MON2: variants seen among roughly 807,000 people sequenced by gnomAD.
MON2 encodes MON2 regulator of endosome-to-Golgi trafficking, also known as protein MON2 homolog.
In MON2, 84 loss-of-function variants were observed where a neutral mutation model predicts 208.6. The observed-to-expected ratio is 0.40, with a 90% confidence interval of 0.34 to 0.48. The LOEUF (loss-of-function observed/expected upper bound fraction) is 0.48, where lower values mean the gene tolerates loss of function less well. Ranked by LOEUF, MON2 falls within the 20% of genes least tolerant of loss-of-function variation. The probability of loss-of-function intolerance (pLI) is 0.59; values close to 1 mark genes in which losing one functional copy is unlikely to be tolerated. For missense variants in MON2, 1,611 were observed against 2,015.4 expected (o/e 0.80, Z 3.84); for synonymous variants, 660 against 694.0 (o/e 0.95, Z 0.77).
intron 4 of MON2, among the ~76,000 whole-genome samples, chr12:62,497,254 T>G (rs751712754): frequency 6.6e-6 from 1 of 151,494 alleles, no homozygotes; most frequent in Non-Finnish European, 1.5e-5. Flanking sequence ...GCATGGCACA[T>G]GTACACATAT....
At chr12:62,517,811 TTCTG>T (rs1383426162) in intron 8 of MON2, among the ~76,000 whole-genome samples, 5 of 152,254 alleles carry the variant, frequency 3.3e-5, no homozygotes, top group Non-Finnish European at 5.9e-5. Context: ...GATACTTGGT[TTCTG>T]TCTATCAATT....
rs1435303345 is a variant in MON2 at position 62,595,808 on chromosome 12, C to G, written c.*3059C>G. 6.6e-6 allele frequency: 1 copy of G among 152,208 alleles called. No homozygotes were observed. The highest frequency in any genetic ancestry group is 1.5e-5 in the Non-Finnish European group (1 of 68,022). 9.4% of individuals were successfully genotyped at this position (152,208 alleles called of 1,614,324 possible). A position where few individuals can be genotyped will look rare whatever the true frequency, so the allele number is the denominator to read the frequency against. On this transcript the variant is annotated 3_prime_UTR_variant, in exon 35 of 35. Transcript: ENST00000393630. ...CATAAAAAAGTCTAGCTTAGAACCA[C>G]TTTTCACTTGCTTTCATTTTTAATT...
intron 1 of MON2, among the ~76,000 whole-genome samples, chr12:62,468,943 C>T (rs986668749): frequency 5.3e-5 from 8 of 151,852 alleles, no homozygotes; most frequent in Non-Finnish European, 1.2e-4. Flanking sequence ...CCATTTATTA[C>T]ATTTTTTTGT....
intron 20 of MON2, 127 bp downstream of exon 20, chr12:62,543,325 CTTAT>C: frequency 2.2e-6 from 1 of 449,376 alleles, no homozygotes; most frequent in East Asian, 3.6e-5. Flanking sequence ...TGTGTACTTA[CTTAT>C]GTTTGTACAT....
At position 62,556,119 on chromosome 12, in the gene MON2, T is replaced by C. The variant is rs933377692; in HGVS notation, c.3336T>C (p.Ala1112=). Residue 1112 remains alanine (A), a synonymous_variant, in exon 25 of 35, where the codon GCT becomes GCC. Transcript: ENST00000393630. ...GGGACACCGCCGAGAAGCAATGGGCTGAGACGTGGGTATTAACATTGGCTG... is the reference window on the plus strand; with the variant it reads ...GGGACACCGCCGAGAAGCAATGGGCCGAGACGTGGGTATTAACATTGGCTG... The part of the protein sequence containing the change: ...HSRDTAEKQW[A]ETWVLTLAGV... 11 of 1,613,948 alleles carry C rather than the reference T, an allele frequency of 6.8e-6. No individual in the cohort carries two copies. Among genetic ancestry groups the C allele is most frequent in the Non-Finnish European group, 9.3e-6 (11 of 1,179,960 alleles).
rs372039230 is a variant in MON2, at chr12:62,570,151, C to A, written c.4324-1241C>A. On this transcript the variant is annotated intron_variant, in intron 29 of 34. Transcript: ENST00000393630. ...TTCATTCTGAACCACCAAATTAGTTCTTTTAATAAATAAAAGCCACCTGTC... is the reference window on the plus strand; with the variant it reads ...TTCATTCTGAACCACCAAATTAGTTATTTTAATAAATAAAAGCCACCTGTC... Among the ~76,000 whole-genome samples, 5 of 152,208 alleles carry A rather than the reference C, an allele frequency of 3.3e-5. No homozygotes were observed. In the East Asian group the frequency reaches 5.8e-4, roughly 18 times the overall value.
chr12:62,474,444 A>C (rs578151609), intron 1 of MON2, among the ~76,000 whole-genome samples: 41 of 147,836 alleles, frequency 2.8e-4, no homozygotes, highest in African/African-American at 1.0e-3. Context: ...TTTTCTTTTG[A>C]GACGAGTTTC....
At position 62,538,147 on chromosome 12, in the gene MON2, C is replaced by G; in HGVS notation, c.2170C>G (p.Pro724Ala). Reference protein sequence around the residue: ...LKPSSGGALKPGRAVEGPSTV... With the variant: ...LKPSSGGALKAGRAVEGPSTV... ...GCCTAGTAGTGGCGGTGCCTTGAAA[C>G]CTGGGAGAGCTGTAGAAGGACCCAG... The change falls in exon 17 of 35, where the codon CCT (proline) becomes GCT (alanine). Residue 724 changes from proline (P) to alanine (A), a missense_variant. By Grantham distance (27) the Pro-to-Ala change is conservative. Coordinates refer to ENST00000393630, the MANE Select transcript of MON2 (RefSeq NM_015026.3). 1 of 1,612,284 alleles carries G rather than the reference C, an allele frequency of 6.2e-7. No homozygotes were observed. Among genetic ancestry groups the G allele is most frequent in the Non-Finnish European group, 8.5e-7 (1 of 1,178,622 alleles).
rs199853497 is a variant in MON2, at chr12:62,538,500, A to T, written c.2359A>T (p.Asn787Tyr). 2 of 1,587,496 alleles carry T rather than the reference A, an allele frequency of 1.3e-6. No individual in the cohort carries two copies. Among genetic ancestry groups the T allele is most frequent in the African/African-American group, 1.3e-5 (1 of 74,418 alleles). Reference protein sequence around the residue: ...LEAMDMAYGNNKEPSLFAVAK... With the variant: ...LEAMDMAYGNYKEPSLFAVAK... ...AGCAATGGATATGGCCTATGGAAAT[A>T]ATAAGGTGTGATATTCTACCTTTCT... Residue 787 changes from asparagine to tyrosine, a missense_variant, in exon 19 of 35, where the codon AAT becomes TAT. Coordinates refer to ENST00000393630, the MANE Select transcript of MON2 (RefSeq NM_015026.3).
Position 62,472,601 on chromosome 12 carries a change from T to G in MON2, c.111+5283T>G, listed in dbSNP as rs115248412. Among the ~76,000 whole-genome samples, 431 of 152,338 alleles carry G rather than the reference T, an allele frequency of 2.8e-3. 5 individuals are homozygous for G. The highest frequency in any genetic ancestry group is 9.9e-3 in the African/African-American group (411 of 41,588). ...TATCCAGGTGTTTTGCTTTGTTAAC[T>G]GGCTTAGGGAGACCCCTAGTGAAAG... is the stretch of plus-strand genomic sequence containing the variant. On this transcript the variant is annotated intron_variant, in intron 1 of 34. Transcript: ENST00000393630.
intron 7 of MON2, among the ~76,000 whole-genome samples, chr12:62,504,115 G>A (rs1261223654): frequency 1.3e-5 from 2 of 151,890 alleles, no homozygotes. Context: ...TATGGCAGGT[G>A]TTTGATAAAT....
rs1291876215 is a variant in MON2 at position 62,578,472 on chromosome 12, A to G, written c.4542A>G (p.Gln1514=). 8.0e-6 allele frequency: 12 copies of G among 1,497,552 alleles called. No homozygotes were observed. The highest frequency in any genetic ancestry group is 1.1e-5 in the Non-Finnish European group (12 of 1,096,874). 92.8% of individuals were successfully genotyped at this position (1,497,552 alleles called of 1,614,324 possible). A position where few individuals can be genotyped will look rare whatever the true frequency, so the allele number is the denominator to read the frequency against. The change falls in exon 31 of 35, where the codon CAA becomes CAG. Residue 1514 remains glutamine, a synonymous_variant. Transcript: ENST00000393630. ...KSIPPDNLSI[Q]EFQRNENIDV... ...TACCTCCAGATAATCTCTCTATTCA[A>G]GAGTTTCAAAGAAATGAAAATATTG...
chr12:62,585,640 G>A (rs1018820188), intron 33 of MON2, 139 bp downstream of exon 33: 5 of 645,926 alleles, frequency 7.7e-6, no homozygotes, highest in Admixed American at 3.3e-5. Flanking sequence ...TATCCCATAT[G>A]GTGTAAATAT....
chr12:62,598,333 A>G lies in MON2; in HGVS notation c.*5584A>G, dbSNP rs984490289. ...GTTTTATTTTAAACTAAAATTCAAT[A>G]AACAGTGCAGCCAGGGAAGATCTGC... is the stretch of plus-strand genomic sequence containing the variant. On this transcript the variant is annotated 3_prime_UTR_variant, in exon 35 of 35. Coordinates refer to ENST00000393630, the MANE Select transcript of MON2 (RefSeq NM_015026.3). 17 of 152,208 alleles carry G rather than the reference A, an allele frequency of 1.1e-4. No homozygotes were observed. The highest frequency in any genetic ancestry group is 4.1e-4 in the African/African-American group (17 of 41,452). The allele number at this position is 152,208 out of a possible 1,614,324, so 9.4% of individuals were successfully genotyped here.
chr12:62,533,212 G>A (rs948283866), intron 12 of MON2, among the ~76,000 whole-genome samples: 1 of 152,080 alleles, frequency 6.6e-6, no homozygotes, highest in South Asian at 2.1e-4. Context: ...TTGCTGTGCT[G>A]TACTTACTGT....
intron 8 of MON2, among the ~76,000 whole-genome samples, chr12:62,517,803 T>C (rs1304907139): frequency 6.6e-6 from 1 of 152,244 alleles, no homozygotes; most frequent in African/African-American, 2.4e-5. Context: ...CAAGCTGAGA[T>C]ACTTGGTTTC....
chr12:62,523,461 T>A (rs914183773), intron 8 of MON2, among the ~76,000 whole-genome samples: 1 of 152,190 alleles, frequency 6.6e-6, no homozygotes, highest in African/African-American at 2.4e-5. Flanking sequence ...TTTAGGACAA[T>A]GACAAGCCTC....
intron 8 of MON2, among the ~76,000 whole-genome samples, chr12:62,512,436 G>A (rs147614240): frequency 2.3e-3 from 349 of 152,306 alleles, no homozygotes; most frequent in African/African-American, 7.8e-3. Flanking sequence ...ATGCAAGTCC[G>A]AAATTCAGCA....
intron 29 of MON2, among the ~76,000 whole-genome samples, chr12:62,567,621 T>TA (rs1333820954): frequency 1.3e-5 from 2 of 152,346 alleles, no homozygotes; most frequent in East Asian, 3.9e-4. Flanking sequence ...ACTTTCACGA[T>TA]ACTTTTCTCT....
Sources: allele counts gnomAD v4.1 joint callset (sites outside exome capture counted in the v4.1 genomes callset), GRCh38; gene constraint gnomAD v4.1.1; transcripts MANE v1.5; gene names NCBI Gene and HGNC (gene_info 2026-07-23, HGNC 2026-07-21).